TIMM9: variants seen among roughly 807,000 people sequenced by gnomAD.
TIMM9 encodes the protein translocase of inner mitochondrial membrane 9.
In TIMM9, 10 loss-of-function variants were observed where a neutral mutation model predicts 13.4. The observed-to-expected ratio is 0.75, with a 90% CI of 0.46 to 1.26. TIMM9 has a LOEUF of 1.26. Ranked by LOEUF, TIMM9 falls within the 50% of genes most tolerant of loss-of-function variation. The pLI is 0.00. For missense variants in TIMM9, 87 were observed against 100.8 expected, an observed-to-expected ratio of 0.86 and a Z score of 0.58; for synonymous variants, 32 against 32.1, an observed-to-expected ratio of 1.00 and a Z score of 0.01.
At chr14:58,415,336 C>T (rs1282114769) in intron 3 of TIMM9, among the ~76,000 whole-genome samples, 1 of 151,952 alleles carries the variant, frequency 6.6e-6, no homozygotes, top group African/African-American at 2.4e-5. Context: ...CTCATCACAC[C>T]AAGAACTAGG....
intron 3 of TIMM9, 34 bp downstream of exon 3, chr14:58,423,974 T>C (rs1267536223): frequency 6.6e-6 from 1 of 152,164 alleles, no homozygotes; most frequent in African/African-American, 2.4e-5. Flanking sequence ...AACTTAAGAA[T>C]AAAGGGAGAT....
Position 58,427,522 on chromosome 14 carries a change from G to A in TIMM9, c.-434C>T, listed in dbSNP as rs1443671161. On this transcript the variant is annotated 5_prime_UTR_variant, in exon 1 of 6. Transcript: ENST00000395159. ...CTGTAGAGCGGTCTTGTGCGGCAATGTGCTACCTTAAAATAAATAAATAAA... is the reference window on the plus strand; with the variant it reads ...CTGTAGAGCGGTCTTGTGCGGCAATATGCTACCTTAAAATAAATAAATAAA... The A allele has an allele frequency of 2.7e-5, 39 of 1,466,674 alleles. No homozygotes were observed. The East Asian group carries it at 3.7e-4, about 14-fold the overall frequency. The allele number at this position is 1,466,674 out of a possible 1,614,324, so 90.9% of individuals were successfully genotyped here.
At chr14:58,416,369 C>T (rs2036408985) in intron 3 of TIMM9, among the ~76,000 whole-genome samples, 1 of 152,076 alleles carries the variant, frequency 6.6e-6, no homozygotes, top group Non-Finnish European at 1.5e-5. Context: ...ACTATGGAGG[C>T]CACAAGGAAG....
intron 3 of TIMM9, among the ~76,000 whole-genome samples, chr14:58,422,002 C>CA (rs1454011249): frequency 2.0e-5 from 3 of 148,624 alleles, no homozygotes; most frequent in Non-Finnish European, 4.5e-5. Context: ...CTTATAATGC[C>CA]AAAATCTGTT....
chr14:58,408,998 C>T lies in TIMM9; in HGVS notation c.*36G>A, dbSNP rs1290544918. ...TCATTTCCAATAAAGCAGCTGTTGGCAATCTTTCATCAAAAGTTCATCCAT... is the reference window on the plus strand; with the variant it reads ...TCATTTCCAATAAAGCAGCTGTTGGTAATCTTTCATCAAAAGTTCATCCAT... On this transcript the variant is annotated 3_prime_UTR_variant, in exon 6 of 6. Coordinates refer to ENST00000395159, the MANE Select transcript of TIMM9 (RefSeq NM_012460.4). The T allele has an allele frequency of 1.3e-6, 2 of 1,591,028 alleles. No individual in the cohort carries two copies. The highest frequency in any genetic ancestry group is 2.7e-5 in the African/African-American group (2 of 73,224).
chr14:58,415,922 A>T (rs1250408411), intron 3 of TIMM9, among the ~76,000 whole-genome samples: 1 of 152,088 alleles, frequency 6.6e-6, no homozygotes, highest in African/African-American at 2.4e-5. Context: ...AACATCTGAA[A>T]ACTAAAGACA....
rs201597442 is a variant in TIMM9, at chr14:58,409,076, T to G, written c.228A>C (p.Glu76Asp). The change falls in exon 6 of 6, where the codon GAA (glutamate) becomes GAC (aspartate). Residue 76 changes from glutamate to aspartate, a missense_variant. By Grantham distance (45) the Glu-to-Asp change is conservative. Coordinates refer to ENST00000395159, the MANE Select transcript of TIMM9 (RefSeq NM_012460.4). The part of the protein sequence containing the change: ...RFQEYHIQQN[E>D]ALAAKAGLLG... ...GGAGTCCTGCTTTGGCTGCCAGGGCTTCATTCTGCTGAATATGATATTCCT... is the reference window on the plus strand; with the variant it reads ...GGAGTCCTGCTTTGGCTGCCAGGGCGTCATTCTGCTGAATATGATATTCCT... 4.8e-5 allele frequency: 78 copies of G among 1,613,888 alleles called. No homozygotes were observed. Among genetic ancestry groups the G allele is most frequent in the Middle Eastern group, 1.6e-4 (1 of 6,072 alleles).
intron 4 of TIMM9, 119 bp downstream of exon 4, chr14:58,411,787 TG>T: frequency 2.3e-6 from 2 of 853,336 alleles, no homozygotes; most frequent in Non-Finnish European, 3.9e-6. Flanking sequence ...TCCACCCACC[TG>T]GGCCTCCCAA....
chr14:58,414,728 C>T (rs1408939491), intron 3 of TIMM9, among the ~76,000 whole-genome samples: 12 of 111,374 alleles, frequency 1.1e-4, no homozygotes, highest in Non-Finnish European at 1.7e-4. Context: ...CATAGTGAGA[C>T]GCCATCTCAA....
intron 2 of TIMM9, among the ~76,000 whole-genome samples, chr14:58,426,447 CG>C: frequency 6.6e-6 from 1 of 152,198 alleles, no homozygotes; most frequent in East Asian, 2.0e-4. Flanking sequence ...TCTCGTGATC[CG>C]CCCGCCTTGG....
intron 3 of TIMM9, among the ~76,000 whole-genome samples, chr14:58,423,016 G>T (rs1007663769): frequency 5.3e-5 from 8 of 151,660 alleles, no homozygotes; most frequent in Non-Finnish European, 8.8e-5. Context: ...TGTTGGCCAG[G>T]TTGGTCTTGA....
chr14:58,416,618 C>T (rs1326464033), intron 3 of TIMM9, among the ~76,000 whole-genome samples: 1 of 152,208 alleles, frequency 6.6e-6, no homozygotes, highest in African/African-American at 2.4e-5. Flanking sequence ...AGGTACAATA[C>T]ACTTCTCTTG....
chr14:58,409,161 C>G lies in TIMM9; in HGVS notation c.143G>C (p.Cys48Ser). Residue 48 changes from cysteine (C) to serine (S), a missense_variant, in exon 6 of 6, where the codon TGT becomes TCT. Cys to Ser is a moderately radical substitution (Grantham distance 112). Coordinates refer to ENST00000395159, the MANE Select transcript of TIMM9 (RefSeq NM_012460.4). The stretch of plus-strand genomic sequence containing the variant: ...ATATTTCTGTAAGCAATGTTCTGAA[C>G]AGGTGGTCTAGGAATGAAAAGGGAA... ...TREVKPEETTCSEHCLQKYLK... is the reference protein window; with the variant it reads ...TREVKPEETTSSEHCLQKYLK... The G allele has an allele frequency of 6.2e-7, 1 of 1,613,094 alleles. No individual in the cohort carries two copies. The highest frequency in any genetic ancestry group is 8.5e-7 in the Non-Finnish European group (1 of 1,179,754).
intron 3 of TIMM9, 83 bp from the exon 4 acceptor site, chr14:58,412,054 G>A (rs981459170): frequency 2.6e-5 from 26 of 985,806 alleles, no homozygotes; most frequent in African/African-American, 1.9e-4. Flanking sequence ...ATCACTGCTC[G>A]TATTTTATAA....
At chr14:58,423,114 A>AT (rs560182091) in intron 3 of TIMM9, among the ~76,000 whole-genome samples, 44 of 149,408 alleles carry the variant, frequency 2.9e-4, no homozygotes, top group Admixed American at 8.7e-4. Flanking sequence ...CCAATTTGGT[A>AT]TTTTTTTTTT....
chr14:58,409,214 A>AT, intron 5 of TIMM9, 46 bp from the exon 6 acceptor site: 9 of 1,594,106 alleles, frequency 5.6e-6, no homozygotes, highest in South Asian at 1.1e-5. Context: ...AAAAATATGA[A>AT]TTTTTTAAAA....
intron 3 of TIMM9, among the ~76,000 whole-genome samples, chr14:58,414,581 T>A (rs1370686781): frequency 6.6e-6 from 1 of 150,604 alleles, no homozygotes; most frequent in Non-Finnish European, 1.5e-5. Context: ...CTACTGAAAA[T>A]ACAAAAATTA....
At chr14:58,412,153 T>TC (rs1205385293) in intron 3 of TIMM9, 182 bp from the exon 4 acceptor site, 1 of 502,840 alleles carries the variant, frequency 2.0e-6, no homozygotes, top group East Asian at 3.4e-5. Flanking sequence ...AGATTTTCTT[T>TC]TTTTTTTTGA....
Position 58,409,043 on chromosome 14 carries a change from T to C in TIMM9, c.261A>G (p.Gln87=), listed in dbSNP as rs946949554. ...ATCCATCAGGACTTCTCTATCGTGG[T>C]TGGCCAAGGAGTCCTGCTTTGGCTG... ...ALAAKAGLLG[Q]PR The change falls in exon 6 of 6, where the codon CAA becomes CAG. Residue 87 remains glutamine, a synonymous_variant. Transcript: ENST00000395159. 7.4e-6 allele frequency: 12 copies of C among 1,612,174 alleles called. No individual in the cohort carries two copies. The African/African-American group carries it at 1.5e-4, about 20-fold the overall frequency.
Sources: allele counts gnomAD v4.1 joint callset (sites outside exome capture counted in the v4.1 genomes callset), GRCh38; gene constraint gnomAD v4.1.1; transcripts MANE v1.5; gene names NCBI Gene and HGNC (gene_info 2026-07-23, HGNC 2026-07-21).